YEATS4: variants seen among roughly 807,000 people sequenced by gnomAD.
YEATS4 encodes YEATS domain containing 4, also known as YEATS domain-containing protein 4.
Under a neutral mutation model 30.1 loss-of-function variants are expected in YEATS4, and 17 were observed. The observed-to-expected ratio is 0.56, with a 90% CI of 0.39 to 0.85. YEATS4 has a LOEUF of 0.85. YEATS4 is among the 40% of genes least tolerant of loss of function. YEATS4 has a pLI of 0.00. For synonymous variants in YEATS4, 85 were observed against 87.5 expected (o/e 0.97, Z 0.16); for missense variants, 142 against 268.3 (o/e 0.53, Z 3.29).
intron 6 of YEATS4, among the ~76,000 whole-genome samples, chr12:69,382,129 T>C (rs779319638): frequency 6.6e-6 from 1 of 152,224 alleles, no homozygotes; most frequent in African/African-American, 2.4e-5. Flanking sequence ...ATAATCAGTC[T>C]CATTATAGGA....
At chr12:69,399,789 G>A in the YEATS4 span, among the ~76,000 whole-genome samples, 1 of 152,176 alleles carries the variant, frequency 6.6e-6, no homozygotes, top group Non-Finnish European at 1.5e-5. Flanking sequence ...TCAATACAAT[G>A]GATTATTACT....
the YEATS4 span, among the ~76,000 whole-genome samples, chr12:69,424,783 C>G: frequency 4.6e-5 from 7 of 152,244 alleles, no homozygotes; most frequent in Non-Finnish European, 7.4e-5. Context: ...TTTTCTGAGG[C>G]CTCCCAAAGC....
In YEATS4 at chr12:69,359,756, G is replaced by T; in HGVS notation, c.-217G>T. 3.6e-6 allele frequency: 2 copies of T among 561,494 alleles called. No individual in the cohort carries two copies. The highest frequency in any genetic ancestry group is 3.5e-5 in the Admixed American group (1 of 28,588). 34.8% of individuals were successfully genotyped at this position (561,494 alleles called of 1,614,324 possible). On this transcript the variant is annotated 5_prime_UTR_variant, in exon 1 of 7. Transcript: ENST00000247843. The stretch of plus-strand genomic sequence containing the variant: ...CGGCCGTCGCCCCTCTTTTCGCGGC[G>T]TTCTCCACCTGCGCGGGCCTGAATG...
chr12:69,376,892 C>G (rs1186969173), intron 6 of YEATS4, among the ~76,000 whole-genome samples: 2 of 152,080 alleles, frequency 1.3e-5, no homozygotes, highest in Non-Finnish European at 2.9e-5. Context: ...TGTTACTGGT[C>G]TGTTCAGGTT....
chr12:69,410,668 G>A, the YEATS4 span, among the ~76,000 whole-genome samples: 3 of 152,136 alleles, frequency 2.0e-5, no homozygotes, highest in African/African-American at 7.2e-5. Context: ...TTGAGTCGCC[G>A]GAGGATAGAG....
chr12:69,366,056 CT>C (rs758295267), intron 4 of YEATS4, among the ~76,000 whole-genome samples, 172 bp downstream of exon 4: 17 of 145,240 alleles, frequency 1.2e-4, no homozygotes, highest in African/African-American at 2.8e-4. Flanking sequence ...TTTCAAAATC[CT>C]TTTTTTTTTC....
the YEATS4 span, among the ~76,000 whole-genome samples, chr12:69,412,120 T>A: frequency 6.6e-6 from 1 of 152,180 alleles, no homozygotes; most frequent in South Asian, 2.1e-4. Context: ...GTACACTTAA[T>A]ATGTCTGTGC....
chr12:69,409,446 G>A, the YEATS4 span, among the ~76,000 whole-genome samples: 3 of 151,720 alleles, frequency 2.0e-5, no homozygotes, highest in Non-Finnish European at 4.4e-5. Flanking sequence ...ACGAAACCCC[G>A]CCTCTACCAA....
chr12:69,381,299 T>C (rs1470938939), intron 6 of YEATS4, among the ~76,000 whole-genome samples: 1 of 152,234 alleles, frequency 6.6e-6, no homozygotes, highest in Non-Finnish European at 1.5e-5. Flanking sequence ...ATTTCTGTCA[T>C]TTGCTTTTGA....
downstream of YEATS4, among the ~76,000 whole-genome samples, chr12:69,391,656 G>C (rs1488851811): frequency 6.6e-6 from 1 of 152,150 alleles, no homozygotes. Context: ...GCCCTCTGGG[G>C]CTTGATGGTG....
intron 6 of YEATS4, among the ~76,000 whole-genome samples, chr12:69,387,371 A>T (rs1484134194): frequency 2.0e-5 from 3 of 152,208 alleles, no homozygotes; most frequent in Admixed American, 2.0e-4. Context: ...AAATTGGTAG[A>T]TCCTTTTGAG....
At chr12:69,400,830 T>G in the YEATS4 span, 4 of 152,312 alleles carry the variant, frequency 2.6e-5, no homozygotes, top group Non-Finnish European at 5.9e-5. Flanking sequence ...TGAAAGGAAC[T>G]TGGTACTCAT....
chr12:69,398,848 C>G, the YEATS4 span, among the ~76,000 whole-genome samples: 1 of 146,854 alleles, frequency 6.8e-6, no homozygotes, highest in Non-Finnish European at 1.5e-5. Context: ...TGATCTTCAT[C>G]ATTAAAAACT....
At chr12:69,384,161 A>G (rs990623089) in intron 6 of YEATS4, among the ~76,000 whole-genome samples, 1 of 152,226 alleles carries the variant, frequency 6.6e-6, no homozygotes, top group Non-Finnish European at 1.5e-5. Flanking sequence ...AGTTAAGTAT[A>G]TGATCACTTT....
the YEATS4 span, among the ~76,000 whole-genome samples, chr12:69,420,911 G>A: frequency 6.6e-6 from 1 of 152,116 alleles, no homozygotes; most frequent in Non-Finnish European, 1.5e-5. Flanking sequence ...GTCATTTGAG[G>A]TCTTTTGTGT....
chr12:69,405,315 AG>A, the YEATS4 span, among the ~76,000 whole-genome samples: 4 of 152,240 alleles, frequency 2.6e-5, no homozygotes, highest in Admixed American at 6.5e-5. Flanking sequence ...TTTATAAATT[AG>A]GCACAGTAAG....
chr12:69,425,552 T>TC, the YEATS4 span, among the ~76,000 whole-genome samples: 1 of 152,154 alleles, frequency 6.6e-6, no homozygotes, highest in Non-Finnish European at 1.5e-5. Context: ...CAGAACTGCT[T>TC]CTCAAGTCAG....
At chr12:69,419,215 CTTTTTTTT>C in the YEATS4 span, among the ~76,000 whole-genome samples, 1 of 116,584 alleles carries the variant, frequency 8.6e-6, no homozygotes, top group Non-Finnish European at 1.8e-5. Flanking sequence ...TCCTATTTTA[CTTTTTTTT>C]TTTTTTTTTT....
Position 69,359,843 on chromosome 12 carries a change from ACT to A in YEATS4, c.-128_-127del. 1 of 1,116,222 alleles carries A rather than the reference ACT, an allele frequency of 9.0e-7. No individual in the cohort carries two copies. The highest frequency in any genetic ancestry group is 1.5e-5 in the South Asian group (1 of 65,034). 69.1% of individuals were successfully genotyped at this position (1,116,222 alleles called of 1,614,324 possible). The stretch of plus-strand genomic sequence containing the variant: ...TTACTCACCGCCGTGAGCCCAAGTA[ACT>A]CGCCCTCCTTCGGCTAGAAACCCTC... On this transcript the variant is annotated 5_prime_UTR_variant, in exon 1 of 7. Transcript: ENST00000247843.
Sources: gnomAD v4.1 joint callset for allele counts (sites outside exome capture counted in the v4.1 genomes callset) on GRCh38, gnomAD v4.1.1 for gene constraint, MANE v1.5 for transcripts, NCBI Gene and HGNC (gene_info 2026-07-23, HGNC 2026-07-21) for gene names.